Variants in PLPPR1 observed in about 807,000 individuals in gnomAD.
PLPPR1 encodes phospholipid phosphatase-related protein type 1.
Under a neutral mutation model 33.1 loss-of-function variants are expected in PLPPR1, and 10 were observed. The ratio of observed to expected loss-of-function variants is 0.30; its 90% confidence interval spans 0.19 to 0.51. PLPPR1 has a LOEUF of 0.51. Among genes scored for constraint, PLPPR1 ranks in the 20% least tolerant of loss-of-function variants. PLPPR1 has a pLI of 0.97. For missense variants in PLPPR1, 304 were observed against 408.1 expected, an observed-to-expected ratio of 0.74 and a Z score of 2.20; for synonymous variants, 151 against 151.0, an observed-to-expected ratio of 1.00 and a Z score of 0.00.
chr9:101,112,643 C>T (rs77351585), intron 1 of PLPPR1, among the ~76,000 whole-genome samples: 1,895 of 152,298 alleles, frequency 0.012, 17 homozygotes, highest in East Asian at 0.036. Flanking sequence ...CAGAACTGAG[C>T]TTGACAGTTT....
chr9:101,306,068 C>G (rs773083663), intron 4 of PLPPR1, among the ~76,000 whole-genome samples: 33 of 152,152 alleles, frequency 2.2e-4, no homozygotes, highest in Admixed American at 6.5e-5. Context: ...GTTACTGGGA[C>G]CTGATCATGG....
chr9:101,291,599 G>A (rs1289944161), intron 4 of PLPPR1, among the ~76,000 whole-genome samples: 4 of 152,182 alleles, frequency 2.6e-5, no homozygotes, highest in Non-Finnish European at 5.9e-5. Context: ...AAAACTTCCA[G>A]AGGAATGATC....
chr9:101,150,931 G>T (rs1224997103), intron 1 of PLPPR1, among the ~76,000 whole-genome samples: 1 of 151,720 alleles, frequency 6.6e-6, no homozygotes, highest in Non-Finnish European at 1.5e-5. Context: ...GAGTTCTGAG[G>T]CATACATGTT....
intron 1 of PLPPR1, among the ~76,000 whole-genome samples, chr9:101,046,435 C>CTTTTTTTTTTTTTTTT (rs527884198): frequency 6.9e-5 from 8 of 116,782 alleles, no homozygotes; most frequent in South Asian, 2.8e-4. Flanking sequence ...CTCTTTTATT[C>CTTTTTTTTTTTTTTTT]TTTTTTTTTT....
At chr9:101,311,333 C>T (rs1232686409) in intron 5 of PLPPR1, among the ~76,000 whole-genome samples, 2 of 152,128 alleles carry the variant, frequency 1.3e-5, no homozygotes, top group African/African-American at 4.8e-5. Flanking sequence ...CAGATAAACC[C>T]TGATATAAGA....
At chr9:101,263,346 T>C (rs932161728) in intron 2 of PLPPR1, among the ~76,000 whole-genome samples, 22 of 152,170 alleles carry the variant, frequency 1.4e-4, no homozygotes, top group East Asian at 1.9e-4. Flanking sequence ...CATTTCCTTA[T>C]TGCATTGACT....
chr9:101,219,467 C>T (rs1826879921), intron 2 of PLPPR1, among the ~76,000 whole-genome samples: 1 of 152,200 alleles, frequency 6.6e-6, no homozygotes. Flanking sequence ...ATCTGTTAGA[C>T]TGAACTAGGC....
At chr9:101,128,935 G>C (rs1831281255) in intron 1 of PLPPR1, among the ~76,000 whole-genome samples, 1 of 152,098 alleles carries the variant, frequency 6.6e-6, no homozygotes, top group African/African-American at 2.4e-5. Context: ...TCTATTCTTA[G>C]AAGCTAAACC....
intron 1 of PLPPR1, among the ~76,000 whole-genome samples, chr9:101,081,098 A>G (rs1273253469): frequency 1.3e-5 from 2 of 152,082 alleles, no homozygotes; most frequent in Non-Finnish European, 2.9e-5. Flanking sequence ...AGCCCCCAAC[A>G]TTTTAGATTA....
intron 1 of PLPPR1, among the ~76,000 whole-genome samples, chr9:101,084,650 G>A (rs764521943): frequency 4.6e-5 from 7 of 152,312 alleles, no homozygotes; most frequent in South Asian, 2.1e-4. Context: ...GGCTTCTTTG[G>A]TTTGTTACAG....
intron 1 of PLPPR1, among the ~76,000 whole-genome samples, chr9:101,049,301 T>G (rs1588006844): frequency 6.6e-6 from 1 of 152,316 alleles, no homozygotes; most frequent in East Asian, 1.9e-4. Flanking sequence ...GATACAGCAT[T>G]TAGTAGATAA....
intron 2 of PLPPR1, among the ~76,000 whole-genome samples, chr9:101,194,804 T>A (rs1826367006): frequency 6.6e-6 from 1 of 152,122 alleles, no homozygotes; most frequent in African/African-American, 2.4e-5. Flanking sequence ...TGTAGTTTTT[T>A]AAATAAGGTA....
At chr9:101,087,979 G>C (rs773507917) in intron 1 of PLPPR1, among the ~76,000 whole-genome samples, 2 of 152,160 alleles carry the variant, frequency 1.3e-5, no homozygotes, top group Non-Finnish European at 2.9e-5. Flanking sequence ...TAAGCAGAGA[G>C]ACTGGTACAT....
At chr9:101,132,049 T>C (rs1831320061) in intron 1 of PLPPR1, among the ~76,000 whole-genome samples, 1 of 152,250 alleles carries the variant, frequency 6.6e-6, no homozygotes, top group Non-Finnish European at 1.5e-5. Context: ...ATTGGGATTA[T>C]CTTGGTTTTC....
At chr9:101,263,912 C>T (rs1043087261) in intron 2 of PLPPR1, among the ~76,000 whole-genome samples, 34 of 152,168 alleles carry the variant, frequency 2.2e-4, no homozygotes, top group African/African-American at 8.0e-4. Context: ...TCCCTCTCTT[C>T]TTCCTTCTCT....
chr9:101,110,876 T>A (rs1831047345), intron 1 of PLPPR1, among the ~76,000 whole-genome samples: 1 of 152,232 alleles, frequency 6.6e-6, no homozygotes, highest in Non-Finnish European at 1.5e-5. Context: ...CAATATGATA[T>A]TTTGGAATTA....
rs182819387 is a variant in PLPPR1 at position 101,157,226 on chromosome 9, G to C, written c.-45-28224G>C. ...AGATGGAAAGGAGAGAACAAATTTG[G>C]GAAATATTCAGGAGGTAAAATTCAC... On this transcript the variant is annotated intron_variant, in intron 1 of 7. Transcript: ENST00000374874. 3.1e-3 allele frequency among the ~76,000 whole-genome samples: 468 copies of C among 152,214 alleles called. 1 individual carries two copies. The highest frequency in any genetic ancestry group is 0.01 in the Middle Eastern group (3 of 294).
intron 2 of PLPPR1, among the ~76,000 whole-genome samples, chr9:101,195,317 T>G (rs1328575069): frequency 6.6e-6 from 1 of 152,036 alleles, no homozygotes; most frequent in African/African-American, 2.4e-5. Flanking sequence ...AGATTCTTTA[T>G]AGCCTAAATG....
intron 2 of PLPPR1, among the ~76,000 whole-genome samples, chr9:101,203,544 A>G (rs187963357): frequency 8.8e-4 from 134 of 152,258 alleles, no homozygotes; most frequent in Non-Finnish European, 1.6e-3. Context: ...GGTTTCTTCC[A>G]GATTCAAGCA....
Sources: allele counts gnomAD v4.1 joint callset (sites outside exome capture counted in the v4.1 genomes callset), GRCh38; gene constraint gnomAD v4.1.1; transcripts MANE v1.5; gene names NCBI Gene and HGNC (gene_info 2026-07-23, HGNC 2026-07-21).